UGT1A8: variants seen among roughly 807,000 people sequenced by gnomAD.
UGT1A8 encodes UDP glucuronosyltransferase family 1 member A8, also known as UDP-glucuronosyltransferase 1A8.
UGT1A8 carries 39 observed loss-of-function variants against 45.3 expected under a neutral mutation model. The ratio of observed to expected loss-of-function variants is 0.86; its 90% CI spans 0.67 to 1.12. UGT1A8 has a LOEUF of 1.12. Among genes scored for constraint, UGT1A8 ranks in the 50% most tolerant of loss-of-function variants. The pLI is 0.00. For synonymous variants in UGT1A8, 275 were observed against 249.2 expected (o/e 1.10, Z -0.97); for missense variants, 719 against 664.9 (o/e 1.08, Z -0.90).
chr2:233,685,060 G>T (rs13002774), intron 1 of UGT1A8, among the ~76,000 whole-genome samples: 1 of 151,894 alleles, frequency 6.6e-6, no homozygotes, highest in Admixed American at 6.6e-5. Context: ...CTTAAGCTCT[G>T]CACAGGAGAT....
At chr2:233,724,339 G>GA in intron 1 of UGT1A8, among the ~76,000 whole-genome samples, 1 of 142,786 alleles carries the variant, frequency 7.0e-6, no homozygotes, top group East Asian at 2.2e-4. Context: ...GCGGGGGGCT[G>GA]ACCCCCCCCA....
intron 1 of UGT1A8, among the ~76,000 whole-genome samples, chr2:233,714,198 A>C (rs2125637992): frequency 6.6e-6 from 1 of 152,336 alleles, no homozygotes; most frequent in South Asian, 2.1e-4. Context: ...CTACACTGAG[A>C]ACTGATCCAT....
chr2:233,718,871 G>T (rs1468501233), intron 1 of UGT1A8: 1 of 1,613,900 alleles, frequency 6.2e-7, no homozygotes, highest in Admixed American at 1.7e-5. Context: ...CAGGACTGCT[G>T]CTCCTCCTCA....
intron 4 of UGT1A8, chr2:233,770,332 T>C (rs1040470973): frequency 6.6e-6 from 1 of 152,102 alleles, no homozygotes; most frequent in Non-Finnish European, 1.5e-5. Context: ...CAGGCCATAA[T>C]AGGTGCTCAA....
chr2:233,771,421 G>A (rs2126061282), intron 4 of UGT1A8: 1 of 152,290 alleles, frequency 6.6e-6, no homozygotes, highest in Admixed American at 6.5e-5. Flanking sequence ...AGAATAAACA[G>A]AAATCCATTT....
intron 1 of UGT1A8, chr2:233,719,293 G>A (rs149433426): frequency 1.9e-6 from 3 of 1,613,970 alleles, no homozygotes; most frequent in Middle Eastern, 1.7e-4. Context: ...AACCTCTGTG[G>A]GGCGGTGCTG....
intron 1 of UGT1A8, among the ~76,000 whole-genome samples, chr2:233,766,551 C>T (rs564580695): frequency 6.6e-6 from 1 of 152,328 alleles, no homozygotes; most frequent in East Asian, 1.9e-4. Flanking sequence ...TGCCTGTCCT[C>T]ACCTAGGTCC....
chr2:233,626,964 C>T (rs1200064145), intron 1 of UGT1A8, among the ~76,000 whole-genome samples: 1 of 152,046 alleles, frequency 6.6e-6, no homozygotes, highest in African/African-American at 2.4e-5. Flanking sequence ...TTGTCTAGGC[C>T]TTCTTGTTGT....
At chr2:233,714,401 A>T (rs748552195) in intron 1 of UGT1A8, among the ~76,000 whole-genome samples, 14 of 152,172 alleles carry the variant, frequency 9.2e-5, no homozygotes, top group Non-Finnish European at 1.9e-4. Flanking sequence ...TGTAGGTGCA[A>T]TGGATGTCTG....
At chr2:233,703,162 A>G (rs886664238) in intron 1 of UGT1A8, among the ~76,000 whole-genome samples, 3 of 152,012 alleles carry the variant, frequency 2.0e-5, no homozygotes, top group African/African-American at 7.3e-5. Flanking sequence ...TTTCTTCTTG[A>G]TTCAATTTCA....
chr2:233,754,909 T>C (rs754885290), intron 1 of UGT1A8: 1 of 1,353,004 alleles, frequency 7.4e-7, no homozygotes, highest in Non-Finnish European at 9.9e-7. Flanking sequence ...CCCAAAATAT[T>C]CTCCAGCGGG....
intron 1 of UGT1A8, among the ~76,000 whole-genome samples, chr2:233,660,317 C>T (rs2073938936): frequency 6.6e-6 from 1 of 152,154 alleles, no homozygotes; most frequent in South Asian, 2.1e-4. Flanking sequence ...TGCCTTGTAA[C>T]CCCTTGTTCT....
chr2:233,645,113 G>A (rs771788760), intron 1 of UGT1A8, among the ~76,000 whole-genome samples: 3 of 152,112 alleles, frequency 2.0e-5, no homozygotes, highest in Non-Finnish European at 4.4e-5. Context: ...TCCCTTACTG[G>A]CAATGCATTT....
chr2:233,721,911 G>GGAA, intron 1 of UGT1A8: 1 of 435,688 alleles, frequency 2.3e-6, no homozygotes, highest in Non-Finnish European at 4.6e-6. Flanking sequence ...GGTGCACACT[G>GGAA]CTTCCATAAA....
intron 1 of UGT1A8, chr2:233,755,320 T>G: frequency 2.0e-6 from 1 of 508,264 alleles, no homozygotes; most frequent in Admixed American, 3.4e-5. Flanking sequence ...GCGGCAAGGC[T>G]GCCAGCACCC....
In UGT1A8 at chr2:233,761,069, T is replaced by C. The variant is rs772142239; in HGVS notation, c.856-5965T>C. Reference sequence around the variant, plus strand: ...GTCTGGCTGTTTAGAAGTGACTTTGTGAAGGATTACCCTAGGCCCATCATG... The same window carrying C: ...GTCTGGCTGTTTAGAAGTGACTTTGCGAAGGATTACCCTAGGCCCATCATG... On this transcript the variant is annotated intron_variant, in intron 1 of 4. Coordinates refer to ENST00000373450, the MANE Select transcript of UGT1A8 (RefSeq NM_019076.5). 13 of 1,614,208 alleles carry C rather than the reference T, an allele frequency of 8.1e-6. No homozygotes were observed. In the East Asian group the frequency reaches 2.7e-4, roughly 33 times the overall value.
chr2:233,642,880 C>T (rs1355574263), intron 1 of UGT1A8, among the ~76,000 whole-genome samples: 1 of 152,140 alleles, frequency 6.6e-6, no homozygotes, highest in Non-Finnish European at 1.5e-5. Flanking sequence ...GTCTCTCTCT[C>T]TCTCTCACTC....
chr2:233,765,231 A>G (rs1698784494), intron 1 of UGT1A8, among the ~76,000 whole-genome samples: 1 of 152,148 alleles, frequency 6.6e-6, no homozygotes, highest in African/African-American at 2.4e-5. Context: ...ACATAAAACC[A>G]TAGACTCAGT....
chr2:233,755,177 G>A (rs1258738102), intron 1 of UGT1A8: 6 of 1,239,024 alleles, frequency 4.8e-6, no homozygotes, highest in Non-Finnish European at 6.6e-6. Flanking sequence ...TTTTGTCGGG[G>A]TGCCACTTGA....
Sources: gnomAD v4.1 joint callset for allele counts (sites outside exome capture counted in the v4.1 genomes callset) on GRCh38, gnomAD v4.1.1 for gene constraint, MANE v1.5 for transcripts, NCBI Gene and HGNC (gene_info 2026-07-23, HGNC 2026-07-21) for gene names.